Variants in EDIL3 observed in about 807,000 individuals in gnomAD.
EDIL3 encodes the protein EGF-like repeat and discoidin I-like domain-containing protein 3.
Under a neutral mutation model 67.4 loss-of-function variants are expected in EDIL3, and 37 were observed. The observed-to-expected ratio is 0.55, with a 90% CI of 0.42 to 0.72. The LOEUF (loss-of-function observed/expected upper bound fraction) is 0.72. EDIL3 is among the 30% of genes least tolerant of loss of function. The pLI, the probability that EDIL3 is intolerant of heterozygous loss-of-function variation, is 0.00. For missense variants in EDIL3, 527 were observed against 586.3 expected (o/e 0.90, Z 1.04); for synonymous variants, 195 against 196.3 (o/e 0.99, Z 0.05).
At chr5:84,044,018 C>T (rs1746177189) in intron 9 of EDIL3, among the ~76,000 whole-genome samples, 1 of 152,072 alleles carries the variant, frequency 6.6e-6, no homozygotes, top group African/African-American at 2.4e-5. Flanking sequence ...TTTTAAGCCC[C>T]ACATGTGTTA....
intron 1 of EDIL3, among the ~76,000 whole-genome samples, chr5:84,288,983 C>T (rs62360083): frequency 0.1 from 15,594 of 151,958 alleles, 873 homozygotes; most frequent in Middle Eastern, 0.17. Context: ...ATGAAAGCAA[C>T]GTATAGTGTG....
At chr5:84,161,893 G>A (rs750307308) in intron 4 of EDIL3, among the ~76,000 whole-genome samples, 1 of 152,118 alleles carries the variant, frequency 6.6e-6, no homozygotes, top group Non-Finnish European at 1.5e-5. Context: ...GGAAGACTAG[G>A]TTGGAATTTA....
intron 9 of EDIL3, among the ~76,000 whole-genome samples, chr5:83,979,151 G>A (rs1266311861): frequency 6.6e-6 from 1 of 152,076 alleles, no homozygotes; most frequent in African/African-American, 2.4e-5. Context: ...TGTAGGATGA[G>A]ACATAAATGA....
intron 4 of EDIL3, among the ~76,000 whole-genome samples, chr5:84,143,201 T>A (rs534410200): frequency 3.2e-4 from 49 of 152,224 alleles, no homozygotes; most frequent in Non-Finnish European, 5.9e-4. Flanking sequence ...ATTATCTAGA[T>A]AATTTATTTC....
At chr5:84,330,931 C>T (rs953831625) in intron 1 of EDIL3, among the ~76,000 whole-genome samples, 3 of 152,134 alleles carry the variant, frequency 2.0e-5, no homozygotes, top group African/African-American at 7.2e-5. Context: ...TGCCCAAGGC[C>T]GTGAGACCTT....
chr5:83,980,104 A>G (rs769525865), intron 9 of EDIL3, among the ~76,000 whole-genome samples: 22 of 152,112 alleles, frequency 1.4e-4, no homozygotes, highest in Non-Finnish European at 2.6e-4. Flanking sequence ...GCAACTCAGC[A>G]CCTATGTTTT....
intron 9 of EDIL3, among the ~76,000 whole-genome samples, chr5:84,034,049 T>C (rs565732453): frequency 6.6e-6 from 1 of 152,306 alleles, no homozygotes; most frequent in South Asian, 2.1e-4. Context: ...TATCTGTGTG[T>C]AGCTACTGCA....
At chr5:84,135,952 A>G (rs958173540) in intron 5 of EDIL3, among the ~76,000 whole-genome samples, 1 of 151,994 alleles carries the variant, frequency 6.6e-6, no homozygotes, top group African/African-American at 2.4e-5. Flanking sequence ...CTTATATATC[A>G]TTCAACAATA....
chr5:84,023,779 A>G (rs1438098942), intron 9 of EDIL3, among the ~76,000 whole-genome samples: 1 of 146,942 alleles, frequency 6.8e-6, no homozygotes, highest in Non-Finnish European at 1.6e-5. Context: ...TATACTGTGG[A>G]CCCATTTACT....
intron 9 of EDIL3, among the ~76,000 whole-genome samples, chr5:83,980,109 T>C (rs868331835): frequency 1.3e-5 from 2 of 152,156 alleles, no homozygotes; most frequent in Admixed American, 6.6e-5. Flanking sequence ...TCAGCACCTA[T>C]GTTTTCTGGT....
At chr5:84,210,344 T>C (rs1744092989) in intron 3 of EDIL3, among the ~76,000 whole-genome samples, 2 of 152,118 alleles carry the variant, frequency 1.3e-5, no homozygotes, top group African/African-American at 4.8e-5. Context: ...GGATAAAATA[T>C]GTGTATTTTA....
chr5:84,268,101 C>A (rs1745386938), intron 1 of EDIL3, among the ~76,000 whole-genome samples: 2 of 152,192 alleles, frequency 1.3e-5, no homozygotes, highest in Admixed American at 1.3e-4. Context: ...CGCGCCACTG[C>A]ACTCCAAGCT....
intron 1 of EDIL3, among the ~76,000 whole-genome samples, chr5:84,381,880 C>G (rs914516522): frequency 4.6e-5 from 7 of 152,148 alleles, no homozygotes; most frequent in Non-Finnish European, 7.3e-5. Context: ...AGTTACATAT[C>G]CTTATCAAAT....
chr5:83,955,837 C>G (rs756949480), intron 10 of EDIL3, among the ~76,000 whole-genome samples: 11 of 151,730 alleles, frequency 7.2e-5, no homozygotes, highest in Non-Finnish European at 1.5e-4. Flanking sequence ...CAAATGCCAA[C>G]AAGAAAAGTA....
At chr5:84,202,737 T>A (rs1425945441) in intron 3 of EDIL3, among the ~76,000 whole-genome samples, 1 of 152,228 alleles carries the variant, frequency 6.6e-6, no homozygotes, top group Middle Eastern at 3.4e-3. Flanking sequence ...AAAATGAAAG[T>A]CTGAAATTCA....
At chr5:84,234,347 A>G (rs564333399) in intron 2 of EDIL3, among the ~76,000 whole-genome samples, 26 of 152,246 alleles carry the variant, frequency 1.7e-4, no homozygotes, top group Middle Eastern at 3.4e-3. Flanking sequence ...GAGGACAGGA[A>G]GGCATCATAC....
intron 8 of EDIL3, among the ~76,000 whole-genome samples, chr5:84,062,046 T>G (rs534798928): frequency 6.6e-6 from 1 of 152,076 alleles, no homozygotes; most frequent in East Asian, 1.9e-4. Context: ...GCATATCCTA[T>G]GAAAACATGG....
chr5:84,116,600 G>A (rs373738310), intron 5 of EDIL3, among the ~76,000 whole-genome samples: 1 of 152,028 alleles, frequency 6.6e-6, no homozygotes, highest in East Asian at 1.9e-4. Flanking sequence ...TTGAAATAGA[G>A]GATGAATTCT....
Position 84,089,290 on chromosome 5 carries a change from A to C in EDIL3, c.651+17359T>G, listed in dbSNP as rs536055679. ...ACAAGTAATTTTCCAACTCAATGCT[A>C]TACACCCTTATCAGGATTTTTCTCC... On this transcript the variant is annotated intron_variant, in intron 6 of 10. Coordinates refer to ENST00000296591, the MANE Select transcript of EDIL3 (RefSeq NM_005711.5). Among the ~76,000 whole-genome samples the C allele has an allele frequency of 3.3e-5, 5 of 152,330 alleles. No individual in the cohort carries two copies. In the East Asian group the frequency reaches 9.6e-4, roughly 29 times the overall value.
Sources: allele counts gnomAD v4.1 joint callset (sites outside exome capture counted in the v4.1 genomes callset), GRCh38; gene constraint gnomAD v4.1.1; transcripts MANE v1.5; gene names NCBI Gene and HGNC (gene_info 2026-07-23, HGNC 2026-07-21).